KIRREL3: variants seen among roughly 807,000 people sequenced by gnomAD.
KIRREL3 encodes the protein kin of IRRE-like protein 3.
A neutral mutation model predicts 89.7 loss-of-function variants in KIRREL3; 36 were observed. That is an observed-to-expected ratio of 0.40 (90% CI 0.31 to 0.53). The LOEUF (loss-of-function observed/expected upper bound fraction) is 0.53, where lower values mean the gene tolerates loss of function less well. KIRREL3 is among the 20% of genes least tolerant of loss of function. KIRREL3 has a pLI of 0.49. For missense variants in KIRREL3, 864 were observed against 1,056.6 expected (o/e 0.82, Z 2.53); for synonymous variants, 445 against 441.4 (o/e 1.01, Z -0.10).
intron 1 of KIRREL3, among the ~76,000 whole-genome samples, chr11:126,962,357 A>G (rs566136679): frequency 3.9e-5 from 6 of 152,272 alleles, no homozygotes; most frequent in Admixed American, 3.9e-4. Context: ...GTTGATTCCA[A>G]TCCTCACGGA....
chr11:126,921,779 A>T (rs1486414445), intron 1 of KIRREL3, among the ~76,000 whole-genome samples: 2 of 144,460 alleles, frequency 1.4e-5, no homozygotes, highest in African/African-American at 5.7e-5. Context: ...CTATCTATCT[A>T]TCTATCTATC....
intron 1 of KIRREL3, among the ~76,000 whole-genome samples, chr11:126,856,619 A>AT (rs11442624): frequency 0.74 from 103,321 of 139,520 alleles, 38,719 homozygotes; most frequent in African/African-American, 0.81. Context: ...ACAGACATAT[A>AT]TTTTTTTTTT....
At chr11:126,889,148 A>C (rs1313014929) in intron 1 of KIRREL3, among the ~76,000 whole-genome samples, 1 of 152,182 alleles carries the variant, frequency 6.6e-6, no homozygotes, top group African/African-American at 2.4e-5. Context: ...CACGATCAGG[A>C]CTGCAAACAC....
chr11:126,810,266 C>G (rs1951336633), intron 1 of KIRREL3, among the ~76,000 whole-genome samples: 1 of 152,198 alleles, frequency 6.6e-6, no homozygotes, highest in South Asian at 2.1e-4. Flanking sequence ...TCTATTCACA[C>G]CTCTCCAGCA....
At chr11:126,801,935 T>A (rs1592148430) in intron 1 of KIRREL3, among the ~76,000 whole-genome samples, 1 of 151,160 alleles carries the variant, frequency 6.6e-6, no homozygotes, top group Admixed American at 6.6e-5. Context: ...CGCTGTCTCT[T>A]AAAAAAAAAT....
At position 126,437,137 on chromosome 11, in the gene KIRREL3, C is replaced by T. The variant is rs867621565; in HGVS notation, c.1354-128G>A. ...TGCCACACACTAACACATGTGCACACGGGTATGTATGCAGGCACACATGCC... is the reference window on the plus strand; with the variant it reads ...TGCCACACACTAACACATGTGCACATGGGTATGTATGCAGGCACACATGCC... On this transcript the variant is annotated intron_variant, in intron 11 of 16. Transcript: ENST00000525144. 21 of 834,072 alleles carry T rather than the reference C, an allele frequency of 2.5e-5. No individual in the cohort carries two copies. In the Middle Eastern group the frequency reaches 1.5e-3, roughly 59 times the overall value. 51.7% of individuals were successfully genotyped at this position (834,072 alleles called of 1,614,324 possible). A position where few individuals can be genotyped will look rare whatever the true frequency, so the allele number is the denominator to read the frequency against.
At chr11:126,810,889 G>C (rs1333879646) in intron 1 of KIRREL3, among the ~76,000 whole-genome samples, 1 of 152,188 alleles carries the variant, frequency 6.6e-6, no homozygotes, top group Non-Finnish European at 1.5e-5. Flanking sequence ...CTGTTCTGGA[G>C]GTTGTCTTAA....
At chr11:126,602,616 C>T (rs1046365008) in intron 1 of KIRREL3, among the ~76,000 whole-genome samples, 3 of 152,118 alleles carry the variant, frequency 2.0e-5, no homozygotes, top group African/African-American at 7.2e-5. Flanking sequence ...TGATCTCTCC[C>T]GTCTGTCACA....
rs765853196 is a variant in KIRREL3, at chr11:126,446,729, G to A, written c.1125+30C>T. 9 of 1,583,092 alleles carry A rather than the reference G, an allele frequency of 5.7e-6. No individual in the cohort carries two copies. The East Asian group carries it at 1.6e-4, about 28-fold the overall frequency. On this transcript the variant is annotated intron_variant, in intron 9 of 16. Transcript: ENST00000525144. ...TCCACTGTCCCCGCCCCCTGCCAGA[G>A]GTGCCCCGAGGTCTGAGCTGCAGCC...
chr11:126,488,693 C>A (rs1430809150), intron 4 of KIRREL3, among the ~76,000 whole-genome samples: 14 of 152,366 alleles, frequency 9.2e-5, no homozygotes, highest in Non-Finnish European at 1.0e-4. Flanking sequence ...CTGGAGCCCA[C>A]ACCCTCCCAC....
At chr11:126,603,060 C>A (rs1311582866) in intron 1 of KIRREL3, among the ~76,000 whole-genome samples, 1 of 152,158 alleles carries the variant, frequency 6.6e-6, no homozygotes, top group Admixed American at 6.5e-5. Context: ...AGTTCACCCA[C>A]CGTCACCCTG....
In KIRREL3 at chr11:126,742,018, G is replaced by C. The variant is rs756918871; in HGVS notation, c.56-179106C>G. ...TCTGGGGGTACCAGGAGGTTGAATG[G>C]AGGACGCTTGTGCTAAGAAGGGAGA... On this transcript the variant is annotated intron_variant, in intron 1 of 16. Coordinates refer to ENST00000525144, the MANE Select transcript of KIRREL3 (RefSeq NM_032531.4). The surrounding 1 kb of genome is among the most constrained non-coding windows in gnomAD (Gnocchi z 5.3). Among the ~76,000 whole-genome samples, 17 of 152,220 alleles carry C rather than the reference G, an allele frequency of 1.1e-4. No homozygotes were observed. The highest frequency in any genetic ancestry group is 3.3e-4 in the Admixed American group (5 of 15,284).
At chr11:126,852,344 C>A (rs545950034) in intron 1 of KIRREL3, among the ~76,000 whole-genome samples, 1 of 152,168 alleles carries the variant, frequency 6.6e-6, no homozygotes, top group Non-Finnish European at 1.5e-5. Flanking sequence ...GAGCCACCAG[C>A]GCCCGGCCGA....
At chr11:126,497,104 G>T (rs761343914) in intron 4 of KIRREL3, among the ~76,000 whole-genome samples, 4 of 149,060 alleles carry the variant, frequency 2.7e-5, no homozygotes, top group Non-Finnish European at 6.0e-5. Flanking sequence ...CTTAAAGCCT[G>T]CTTGGCTGTG....
intron 1 of KIRREL3, among the ~76,000 whole-genome samples, chr11:126,659,504 TCCAGACCA>T (rs1945299364): frequency 1.3e-5 from 2 of 152,324 alleles, no homozygotes; most frequent in East Asian, 1.9e-4. Context: ...AGTTACTTTG[TCCAGACCA>T]CCTGATAAAG....
At position 126,527,956 on chromosome 11, in the gene KIRREL3, A is replaced by G. The variant is rs1314442105; in HGVS notation, c.134-1269T>C. On this transcript the variant is annotated intron_variant, in intron 2 of 16. Transcript: ENST00000525144. This position sits in a 1 kb window ranked among gnomAD's most constrained non-coding sequence, Gnocchi z 4.2. ...GACATTCGCTGAGCATCTGGCCCAC[A>G]GTACAACCAGTACTTCATACAACCC... Among the ~76,000 whole-genome samples the G allele has an allele frequency of 1.3e-5, 2 of 152,242 alleles. No individual in the cohort carries two copies. Among genetic ancestry groups the G allele is most frequent in the Non-Finnish European group, 2.9e-5 (2 of 68,046 alleles).
chr11:126,698,854 G>T (rs559324141), intron 1 of KIRREL3, among the ~76,000 whole-genome samples: 84 of 152,228 alleles, frequency 5.5e-4, no homozygotes, highest in Non-Finnish European at 1.0e-3. Context: ...AGTAGGAAAG[G>T]CTCCAGGTTT....
Position 126,994,227 on chromosome 11 carries a change from G to T in KIRREL3, c.55+6228C>A, listed in dbSNP as rs1176482188. Among the ~76,000 whole-genome samples, 1 of 152,130 alleles carries T rather than the reference G, an allele frequency of 6.6e-6. No homozygotes were observed. Among genetic ancestry groups the T allele is most frequent in the Non-Finnish European group, 1.5e-5 (1 of 68,020 alleles). On this transcript the variant is annotated intron_variant, in intron 1 of 16. Coordinates refer to ENST00000525144, the MANE Select transcript of KIRREL3 (RefSeq NM_032531.4). This position sits in a 1 kb window ranked among gnomAD's most constrained non-coding sequence, Gnocchi z 5.2. Reference sequence around the variant, plus strand: ...TGTGTGTGTATGTGTTCAGTAGGGGGTCAGGAGGGCGTGGGAAGGCTTCCA... The same window carrying T: ...TGTGTGTGTATGTGTTCAGTAGGGGTTCAGGAGGGCGTGGGAAGGCTTCCA...
rs1207226166 is a variant in KIRREL3, at chr11:126,983,376, C to T, written c.55+17079G>A. ...GCTCATCTAACGTCTGCCTTTGGTT[C>T]TTGCGGTAGACAGAATAATGGCCGC... On this transcript the variant is annotated intron_variant, in intron 1 of 16. Coordinates refer to ENST00000525144, the MANE Select transcript of KIRREL3 (RefSeq NM_032531.4). This position sits in a 1 kb window ranked among gnomAD's most constrained non-coding sequence, Gnocchi z 4.9. 1.3e-5 allele frequency among the ~76,000 whole-genome samples: 2 copies of T among 152,194 alleles called. No individual in the cohort carries two copies. The highest frequency in any genetic ancestry group is 2.9e-5 in the Non-Finnish European group (2 of 68,040).
Sources: gnomAD v4.1 joint callset for allele counts (sites outside exome capture counted in the v4.1 genomes callset) on GRCh38, gnomAD v4.1.1 for gene constraint, Gnocchi (gnomAD v3.1) non-coding constraint, MANE v1.5 for transcripts, NCBI Gene and HGNC (gene_info 2026-07-23, HGNC 2026-07-21) for gene names.